The following UGT1A6 variants were observed in gnomAD, a reference collection of about 807,000 sequenced individuals.
UGT1A6 encodes UDP-glucuronosyltransferase 1A6.
In UGT1A6, 32 loss-of-function variants were observed where a neutral mutation model predicts 44.4. That is an observed-to-expected ratio of 0.72 (90% CI 0.54 to 0.97). The LOEUF (loss-of-function observed/expected upper bound fraction) is 0.97. UGT1A6 is among the 50% of genes least tolerant of loss of function. The pLI, the probability that UGT1A6 is intolerant of heterozygous loss-of-function variation, is 0.00. For missense variants in UGT1A6, 685 were observed against 661.9 expected, an observed-to-expected ratio of 1.03 and a Z score of -0.38; for synonymous variants, 238 against 248.5, an observed-to-expected ratio of 0.96 and a Z score of 0.40.
At chr2:233,729,392 T>C in intron 1 of UGT1A6, 1 of 1,613,876 alleles carries the variant, frequency 6.2e-7, no homozygotes, top group Non-Finnish European at 8.5e-7. Context: ...CAGGATGAAT[T>C]TGATCGCCAT....
intron 1 of UGT1A6, among the ~76,000 whole-genome samples, chr2:233,703,752 G>A (rs1363536949): frequency 2.6e-5 from 4 of 151,892 alleles, no homozygotes; most frequent in Admixed American, 1.3e-4. Flanking sequence ...AATCTCAAAT[G>A]TATCTTCTGC....
In UGT1A6 at chr2:233,707,494, G is replaced by A. The variant is rs114941817; in HGVS notation, c.861+13629G>A. On this transcript the variant is annotated intron_variant, in intron 1 of 4. Coordinates refer to ENST00000305139, the MANE Select transcript of UGT1A6 (RefSeq NM_001072.4). The stretch of plus-strand genomic sequence containing the variant: ...TAATACAGATGATTTTACCTGTTTC[G>A]GTACTTAACATAAATAGAATTTTAC... 7.8e-3 allele frequency among the ~76,000 whole-genome samples: 1,157 copies of A among 148,098 alleles called. 11 individuals are homozygous for A. Among genetic ancestry groups the A allele is most frequent in the African/African-American group, 0.026 (1,051 of 40,534 alleles).
At chr2:233,724,187 G>T (rs1459882110) in intron 1 of UGT1A6, among the ~76,000 whole-genome samples, 6 of 123,410 alleles carry the variant, frequency 4.9e-5, no homozygotes, top group African/African-American at 1.1e-4. Flanking sequence ...CCTCCCGGAC[G>T]GGGTGGCTGG....
At chr2:233,708,181 C>T (rs980822375) in intron 1 of UGT1A6, among the ~76,000 whole-genome samples, 3 of 152,162 alleles carry the variant, frequency 2.0e-5, no homozygotes, top group East Asian at 1.9e-4. Context: ...CTTACTGTGT[C>T]GTGCACATTT....
chr2:233,697,998 T>C (rs2075420632), intron 1 of UGT1A6, among the ~76,000 whole-genome samples: 1 of 152,132 alleles, frequency 6.6e-6, no homozygotes, highest in South Asian at 2.1e-4. Flanking sequence ...AAGGAAAAAA[T>C]ATCATTTCTG....
At chr2:233,741,922 TG>T (rs1282682556) in intron 1 of UGT1A6, 2 of 151,910 alleles carry the variant, frequency 1.3e-5, no homozygotes, top group Non-Finnish European at 2.9e-5. Flanking sequence ...GGTCTTCATT[TG>T]GGGCATAACC....
intron 1 of UGT1A6, chr2:233,717,759 G>A (rs1415784532): frequency 2.2e-6 from 1 of 456,590 alleles, no homozygotes; most frequent in East Asian, 6.9e-5. Flanking sequence ...CCCTAGAAAG[G>A]CACACATTTA....
At chr2:233,696,969 T>C (rs1331149699) in intron 1 of UGT1A6, among the ~76,000 whole-genome samples, 4 of 152,270 alleles carry the variant, frequency 2.6e-5, no homozygotes, top group Admixed American at 2.6e-4. Flanking sequence ...TATTATTGGA[T>C]TTGGTTTGCT....
chr2:233,743,530 C>A (rs781463146), intron 1 of UGT1A6: 1 of 1,367,250 alleles, frequency 7.3e-7, no homozygotes, highest in Non-Finnish European at 9.8e-7. Flanking sequence ...GCTTCCCCAG[C>A]AGTTCCTCTG....
At chr2:233,712,976 G>C (rs750445799) in intron 1 of UGT1A6, 1 of 1,613,080 alleles carries the variant, frequency 6.2e-7, no homozygotes, top group Non-Finnish European at 8.5e-7. Context: ...GTCAGCTGTC[G>C]GTGGCTTCTG....
chr2:233,699,694 T>A (rs1034858842), intron 1 of UGT1A6, among the ~76,000 whole-genome samples: 3 of 152,142 alleles, frequency 2.0e-5, no homozygotes, highest in Admixed American at 2.0e-4. Context: ...ATAAAAACAA[T>A]GAATGTGGTT....
At chr2:233,748,000 T>C in intron 1 of UGT1A6, 1 of 1,613,538 alleles carries the variant, frequency 6.2e-7, no homozygotes, top group East Asian at 2.2e-5. Context: ...GACTTTGTGA[T>C]GGATTACCCC....
intron 1 of UGT1A6, among the ~76,000 whole-genome samples, chr2:233,764,685 G>C (rs1320206547): frequency 6.6e-6 from 1 of 152,148 alleles, no homozygotes; most frequent in Non-Finnish European, 1.5e-5. Context: ...AGAACTTGAA[G>C]AGCACTTGGA....
chr2:233,706,156 T>G (rs1363700442), intron 1 of UGT1A6, among the ~76,000 whole-genome samples: 1 of 152,112 alleles, frequency 6.6e-6, no homozygotes, highest in Non-Finnish European at 1.5e-5. Flanking sequence ...ATGAGAACCT[T>G]CTAAATGTGG....
chr2:233,704,869 C>G (rs1043405753), intron 1 of UGT1A6, among the ~76,000 whole-genome samples: 1 of 152,166 alleles, frequency 6.6e-6, no homozygotes, highest in Non-Finnish European at 1.5e-5. Flanking sequence ...CACGGTGGCT[C>G]ACTCCTGTAA....
chr2:233,744,892 C>T (rs28900378), intron 1 of UGT1A6, among the ~76,000 whole-genome samples: 4,281 of 151,940 alleles, frequency 0.028, 301 homozygotes, highest in African/African-American at 0.097. Context: ...ACCCTCCTCT[C>T]CATACCAAAA....
chr2:233,696,498 G>A (rs1420763959), intron 1 of UGT1A6, among the ~76,000 whole-genome samples: 3 of 152,050 alleles, frequency 2.0e-5, no homozygotes, highest in Non-Finnish European at 4.4e-5. Context: ...TACCGAATTT[G>A]CTTGTCAGTT....
Position 233,772,682 on chromosome 2 carries a change from G to T in UGT1A6, c.*123G>T. 2.0e-6 allele frequency: 3 copies of T among 1,494,758 alleles called. No individual in the cohort carries two copies. Among genetic ancestry groups the T allele is most frequent in the East Asian group, 2.5e-5 (1 of 40,656 alleles). 92.6% of individuals were successfully genotyped at this position (1,494,758 alleles called of 1,614,324 possible). A position where few individuals can be genotyped will look rare whatever the true frequency, so the allele number is the denominator to read the frequency against. ...GGAAATACTTTGCATAAATTAATCA[G>T]CCCCAGAGTGCTTTAAAAAATTCTC... On this transcript the variant is annotated 3_prime_UTR_variant, in exon 5 of 5. Coordinates refer to ENST00000305139, the MANE Select transcript of UGT1A6 (RefSeq NM_001072.4).
chr2:233,730,518 T>C (rs1423750757), intron 1 of UGT1A6, among the ~76,000 whole-genome samples: 2 of 152,032 alleles, frequency 1.3e-5, no homozygotes, highest in African/African-American at 4.8e-5. Context: ...TCAGTGGAAG[T>C]GGGGCAATGA....
Sources: gnomAD v4.1 joint callset for allele counts (sites outside exome capture counted in the v4.1 genomes callset) on GRCh38, gnomAD v4.1.1 for gene constraint, MANE v1.5 for transcripts, NCBI Gene and HGNC (gene_info 2026-07-23, HGNC 2026-07-21) for gene names.